JAZF1: variants seen among roughly 807,000 people sequenced by gnomAD.
JAZF1 encodes JAZF zinc finger 1, also known as juxtaposed with another zinc finger protein 1.
In JAZF1, 8 loss-of-function variants were observed where a neutral mutation model predicts 26.4. That is an observed-to-expected ratio of 0.30 (90% CI 0.18 to 0.55). JAZF1 has a LOEUF of 0.55. Ranked by LOEUF, JAZF1 falls within the 20% of genes least tolerant of loss-of-function variation. The pLI, the probability that JAZF1 is intolerant of heterozygous loss-of-function variation, is 0.94. For missense variants in JAZF1, 199 were observed against 322.0 expected, an observed-to-expected ratio of 0.62 and a Z score of 2.92; for synonymous variants, 126 against 122.3, an observed-to-expected ratio of 1.03 and a Z score of -0.20.
intron 2 of JAZF1, among the ~76,000 whole-genome samples, chr7:27,956,963 C>T (rs764518320): frequency 3.4e-4 from 52 of 152,336 alleles, no homozygotes; most frequent in African/African-American, 1.2e-3. Flanking sequence ...GCAAATCTTG[C>T]TCTTGAGTTT....
intron 3 of JAZF1, among the ~76,000 whole-genome samples, chr7:27,847,346 C>CA (rs1783050864): frequency 6.6e-6 from 1 of 151,868 alleles, no homozygotes; most frequent in African/African-American, 2.4e-5. Flanking sequence ...GTGTGATATC[C>CA]AAAAAATTCA....
chr7:27,927,987 T>C (rs1044892469), intron 2 of JAZF1, among the ~76,000 whole-genome samples: 1 of 152,244 alleles, frequency 6.6e-6, no homozygotes, highest in Non-Finnish European at 1.5e-5. Flanking sequence ...TGAGGTCATA[T>C]AACTTTACGT....
intron 1 of JAZF1, among the ~76,000 whole-genome samples, chr7:28,027,588 G>C (rs1783116152): frequency 6.6e-6 from 1 of 152,142 alleles, no homozygotes; most frequent in South Asian, 2.1e-4. Flanking sequence ...TGGGAACGTG[G>C]GTTGGGAGAG....
chr7:28,178,181 C>G (rs1783575758), intron 1 of JAZF1, among the ~76,000 whole-genome samples: 1 of 152,082 alleles, frequency 6.6e-6, no homozygotes, highest in Non-Finnish European at 1.5e-5. Context: ...TACTTCAAAG[C>G]TGAGTTTTAG....
intron 1 of JAZF1, among the ~76,000 whole-genome samples, chr7:28,079,138 C>T (rs1165754016): frequency 1.3e-5 from 2 of 151,974 alleles, no homozygotes; most frequent in Non-Finnish European, 2.9e-5. Context: ...TACAGGTGCC[C>T]ACCACCATGC....
At chr7:27,835,952 T>C (rs2128330252) in intron 4 of JAZF1, among the ~76,000 whole-genome samples, 1 of 152,220 alleles carries the variant, frequency 6.6e-6, no homozygotes, top group East Asian at 1.9e-4. Flanking sequence ...GAGCTTACCA[T>C]ACTGGGTACT....
intron 2 of JAZF1, among the ~76,000 whole-genome samples, chr7:27,915,341 G>A (rs1221802033): frequency 6.6e-6 from 1 of 152,084 alleles, no homozygotes; most frequent in Non-Finnish European, 1.5e-5. Context: ...TGTGGTTAAC[G>A]AGTGCCTTCT....
At chr7:28,165,557 A>G (rs898768585) in intron 1 of JAZF1, among the ~76,000 whole-genome samples, 1 of 152,164 alleles carries the variant, frequency 6.6e-6, no homozygotes, top group Admixed American at 6.5e-5. Context: ...CTACACATGC[A>G]GGTCCCAGCT....
intron 1 of JAZF1, among the ~76,000 whole-genome samples, chr7:28,097,011 G>A (rs973256383): frequency 6.6e-6 from 1 of 152,204 alleles, no homozygotes; most frequent in Non-Finnish European, 1.5e-5. Flanking sequence ...GGGCACATGT[G>A]TAGAAAGAAA....
intron 1 of JAZF1, among the ~76,000 whole-genome samples, chr7:28,026,419 T>G (rs1029327817): frequency 8.5e-5 from 13 of 152,296 alleles, no homozygotes; most frequent in Middle Eastern, 3.4e-3. Context: ...GAGCCTTTTG[T>G]GCACCAAACT....
chr7:28,088,144 A>T (rs987621068), intron 1 of JAZF1, among the ~76,000 whole-genome samples: 1 of 152,184 alleles, frequency 6.6e-6, no homozygotes, highest in Admixed American at 6.5e-5. Flanking sequence ...CTTAACAGTC[A>T]CTCAGGGTTA....
At chr7:28,065,912 T>C (rs577692066) in intron 1 of JAZF1, among the ~76,000 whole-genome samples, 2 of 152,270 alleles carry the variant, frequency 1.3e-5, no homozygotes, top group East Asian at 3.9e-4. Flanking sequence ...GGTGGGATGT[T>C]GAGCTCCATG....
In JAZF1 at chr7:27,853,064, G is replaced by A. The variant is rs150593498; in HGVS notation, c.386-12197C>T. On this transcript the variant is annotated intron_variant, in intron 3 of 4. Transcript: ENST00000283928. The stretch of plus-strand genomic sequence containing the variant: ...CTGTCCTGTCCCTCCCTGCGGTGAC[G>A]CCTTCCCAGTCTTTGACGTGGCATT... Among the ~76,000 whole-genome samples, 388 of 152,268 alleles carry A rather than the reference G, an allele frequency of 2.5e-3. 4 individuals carry two copies. The highest frequency in any genetic ancestry group is 9.1e-3 in the African/African-American group (380 of 41,558).
intron 1 of JAZF1, among the ~76,000 whole-genome samples, chr7:28,065,398 A>AGAGG (rs893641442): frequency 2.6e-5 from 4 of 151,718 alleles, no homozygotes; most frequent in African/African-American, 9.7e-5. Flanking sequence ...TGGGTAGAGT[A>AGAGG]GAGGAGTGGG....
chr7:28,051,009 G>A (rs1298750296), intron 1 of JAZF1, among the ~76,000 whole-genome samples: 2 of 151,530 alleles, frequency 1.3e-5, no homozygotes, highest in Admixed American at 6.6e-5. Context: ...GTGTGCACCT[G>A]TAATCCCAGT....
intron 1 of JAZF1, among the ~76,000 whole-genome samples, chr7:28,018,683 C>G (rs1275649767): frequency 6.6e-6 from 1 of 152,190 alleles, no homozygotes; most frequent in African/African-American, 2.4e-5. Context: ...CCAAATACAG[C>G]AGAGGCTGAA....
chr7:27,902,688 T>A (rs988619452), intron 2 of JAZF1, among the ~76,000 whole-genome samples: 1 of 152,180 alleles, frequency 6.6e-6, no homozygotes, highest in African/African-American at 2.4e-5. Flanking sequence ...TGACACTTCG[T>A]GCTTAACAAA....
chr7:28,169,579 G>A (rs895737047), intron 1 of JAZF1, among the ~76,000 whole-genome samples: 2 of 152,170 alleles, frequency 1.3e-5, no homozygotes, highest in South Asian at 2.1e-4. Context: ...GCTCAATGAG[G>A]ACAAGAGAGG....
chr7:27,835,333 TA>T (rs1782785057), intron 4 of JAZF1, among the ~76,000 whole-genome samples: 1 of 152,152 alleles, frequency 6.6e-6, no homozygotes, highest in South Asian at 2.1e-4. Flanking sequence ...GCTAAAGCCA[TA>T]AAAGCCAGTC....
Sources: allele counts gnomAD v4.1 joint callset (sites outside exome capture counted in the v4.1 genomes callset), GRCh38; gene constraint gnomAD v4.1.1; transcripts MANE v1.5; gene names NCBI Gene and HGNC (gene_info 2026-07-23, HGNC 2026-07-21).